The following TBL1XR1 variants were observed in gnomAD, a reference collection of about 807,000 sequenced individuals.
TBL1XR1 encodes F-box-like/WD repeat-containing protein TBL1XR1.
In TBL1XR1, 5 loss-of-function variants were observed where a neutral mutation model predicts 66.9. The observed-to-expected ratio is 0.07, with a 90% confidence interval of 0.04 to 0.16. The LOEUF (loss-of-function observed/expected upper bound fraction) is 0.16, where lower values mean the gene tolerates loss of function less well. TBL1XR1 is among the 10% of genes least tolerant of loss of function. TBL1XR1 has a pLI of 1.00. For synonymous variants in TBL1XR1, 210 were observed against 206.0 expected (o/e 1.02, Z -0.17); for missense variants, 238 against 623.2 (o/e 0.38, Z 6.58).
intron 3 of TBL1XR1, among the ~76,000 whole-genome samples, chr3:177,064,699 G>A (rs1202605592): frequency 6.6e-6 from 1 of 150,768 alleles, no homozygotes. Flanking sequence ...TTTGAACAAC[G>A]AAAGCCAAAC....
intron 2 of TBL1XR1, among the ~76,000 whole-genome samples, chr3:177,082,366 CA>C (rs200378846): frequency 1.0e-4 from 15 of 148,940 alleles, no homozygotes; most frequent in South Asian, 4.2e-4. Context: ...TGAGGTACTT[CA>C]AAAAAAAATA....
intron 15 of TBL1XR1, 73 bp from the exon 16 acceptor site, chr3:177,025,597 G>C: frequency 7.1e-7 from 1 of 1,414,712 alleles, no homozygotes; most frequent in Non-Finnish European, 9.8e-7. Flanking sequence ...CTTTTCTATA[G>C]TACAATTTGA....
chr3:177,150,470 T>TAAAACTG (rs1316215593), intron 1 of TBL1XR1, among the ~76,000 whole-genome samples: 1 of 152,210 alleles, frequency 6.6e-6, no homozygotes, highest in Admixed American at 6.5e-5. Context: ...ATCAGGTCAC[T>TAAAACTG]AAAACTGAAA....
At chr3:177,081,790 A>G (rs1263538104) in intron 2 of TBL1XR1, among the ~76,000 whole-genome samples, 1 of 151,848 alleles carries the variant, frequency 6.6e-6, no homozygotes, top group African/African-American at 2.4e-5. Flanking sequence ...ACAACTACTA[A>G]TTATAAGATA....
intron 1 of TBL1XR1, among the ~76,000 whole-genome samples, chr3:177,157,407 A>C (rs1731647599): frequency 6.6e-6 from 1 of 152,170 alleles, no homozygotes. Flanking sequence ...ACAGATTTTA[A>C]GGATCTGTAT....
chr3:177,187,352 G>A (rs1487390542), intron 1 of TBL1XR1, among the ~76,000 whole-genome samples: 1 of 147,068 alleles, frequency 6.8e-6, no homozygotes, highest in African/African-American at 2.5e-5. Flanking sequence ...CCAAGATTGT[G>A]CTATTGCACT....
At chr3:177,069,600 A>ATGG (rs1354284411) in intron 2 of TBL1XR1, among the ~76,000 whole-genome samples, 1 of 151,932 alleles carries the variant, frequency 6.6e-6, no homozygotes, top group African/African-American at 2.4e-5. Context: ...TTACCCAGGC[A>ATGG]TGGTGGCGCA....
intron 3 of TBL1XR1, among the ~76,000 whole-genome samples, chr3:177,062,583 C>T (rs1277778323): frequency 6.6e-6 from 1 of 152,162 alleles, no homozygotes. Flanking sequence ...ATAATGTAAA[C>T]AGGAAGTTAC....
At chr3:177,186,322 G>A (rs1735402047) in intron 1 of TBL1XR1, among the ~76,000 whole-genome samples, 1 of 152,188 alleles carries the variant, frequency 6.6e-6, no homozygotes, top group East Asian at 1.9e-4. Flanking sequence ...ATGAATGAGT[G>A]CCAAAGAGCA....
rs1715071844 is a variant in TBL1XR1, at chr3:177,038,091, A to C, written c.1122+7T>G. 6.2e-7 allele frequency: 1 copy of C among 1,611,748 alleles called. No individual in the cohort carries two copies. The highest frequency in any genetic ancestry group is 1.3e-5 in the African/African-American group (1 of 74,840). Reference sequence around the variant, plus strand: ...GCCAACCCATTTCTCCCTACTAAGCAAATTACCTTTAAAGTCATGTCGTCA... The same window carrying C: ...GCCAACCCATTTCTCCCTACTAAGCCAATTACCTTTAAAGTCATGTCGTCA... On this transcript the variant is annotated splice_region_variant and intron_variant, in intron 12 of 15. Transcript: ENST00000457928.
chr3:177,025,611 G>A lies in TBL1XR1; in HGVS notation c.1519-87C>T. The A allele has an allele frequency of 2.4e-6, 3 of 1,272,082 alleles. No homozygotes were observed. The South Asian group carries it at 4.0e-5, about 17-fold the overall frequency. The allele number at this position is 1,272,082 out of a possible 1,614,324, so 78.8% of individuals were successfully genotyped here. The stretch of plus-strand genomic sequence containing the variant: ...ACTTTTCTATAGTACAATTTGAAAT[G>A]TTTCTTAGTTCCAAGTTTATAAAAT... On this transcript the variant is annotated intron_variant, in intron 15 of 15. Transcript: ENST00000457928.
chr3:177,174,157 T>G (rs150850216), intron 1 of TBL1XR1, among the ~76,000 whole-genome samples: 33 of 152,238 alleles, frequency 2.2e-4, no homozygotes, highest in Non-Finnish European at 4.7e-4. Context: ...CTCACGCCTG[T>G]ACTCCCAGCA....
chr3:177,043,988 TGTAG>T (rs1283564968), intron 10 of TBL1XR1, among the ~76,000 whole-genome samples: 1 of 152,116 alleles, frequency 6.6e-6, no homozygotes, highest in Non-Finnish European at 1.5e-5. Context: ...ATTCTAACTA[TGTAG>T]GTATTAGTCT....
intron 1 of TBL1XR1, among the ~76,000 whole-genome samples, chr3:177,105,908 A>G (rs942058813): frequency 6.6e-6 from 1 of 152,174 alleles, no homozygotes; most frequent in Non-Finnish European, 1.5e-5. Context: ...AACCTAAGGC[A>G]GGAGAGTCGC....
In TBL1XR1 at chr3:177,021,838, C is replaced by T. The variant is rs1486016965; in HGVS notation, c.*3660G>A. 1 of 152,544 alleles carries T rather than the reference C, an allele frequency of 6.6e-6. No homozygotes were observed. The highest frequency in any genetic ancestry group is 2.4e-5 in the African/African-American group (1 of 41,424). 9.4% of individuals were successfully genotyped at this position (152,544 alleles called of 1,614,324 possible). A position where few individuals can be genotyped will look rare whatever the true frequency, so the allele number is the denominator to read the frequency against. On this transcript the variant is annotated 3_prime_UTR_variant, in exon 16 of 16. Coordinates refer to ENST00000457928, the MANE Select transcript of TBL1XR1 (RefSeq NM_024665.7). ...ATATGCAAGTACCATCCTTATCATG[C>T]GAGAATAATCACAGGTTCTGTAGAA...
Position 177,092,720 on chromosome 3 carries a change from A to G in TBL1XR1, c.-46+5746T>C, listed in dbSNP as rs74943268. ...GAAAGAGTACAGAAGTTTTTCAAGG[A>G]AAAAAAAAAACCTAGAATTACCATA... On this transcript the variant is annotated intron_variant, in intron 2 of 15. Transcript: ENST00000457928. 7.7e-3 allele frequency among the ~76,000 whole-genome samples: 507 copies of G among 66,210 alleles called. 1 individual carries two copies. Among genetic ancestry groups the G allele is most frequent in the Non-Finnish European group, 0.013 (376 of 28,454 alleles). 43.4% of individuals were successfully genotyped at this position (66,210 alleles called of 152,430 possible).
At chr3:177,114,021 T>C (rs1400475834) in intron 1 of TBL1XR1, among the ~76,000 whole-genome samples, 1 of 152,088 alleles carries the variant, frequency 6.6e-6, no homozygotes, top group Non-Finnish European at 1.5e-5. Flanking sequence ...AAAGGATACA[T>C]AATTACAGTT....
chr3:177,138,129 C>A (rs1328290183), intron 1 of TBL1XR1, among the ~76,000 whole-genome samples: 1 of 152,166 alleles, frequency 6.6e-6, no homozygotes, highest in African/African-American at 2.4e-5. Context: ...TAGAGAAGTT[C>A]CAAGTTATAT....
intron 1 of TBL1XR1, among the ~76,000 whole-genome samples, chr3:177,144,754 AAAAAAAAG>A (rs1004831086): frequency 2.6e-5 from 4 of 151,914 alleles, no homozygotes; most frequent in African/African-American, 7.3e-5. Context: ...CTCCGTCCCA[AAAAAAAAG>A]AAAAAAAGAA....
Sources: allele counts gnomAD v4.1 joint callset (sites outside exome capture counted in the v4.1 genomes callset), GRCh38; gene constraint gnomAD v4.1.1; transcripts MANE v1.5; gene names NCBI Gene and HGNC (gene_info 2026-07-23, HGNC 2026-07-21).